Variants in NEGR1 observed in about 807,000 individuals in gnomAD.
NEGR1 encodes neuronal growth regulator 1.
A neutral mutation model predicts 40.9 loss-of-function variants in NEGR1; 10 were observed. The observed-to-expected ratio is 0.24, with a 90% CI of 0.15 to 0.42. The LOEUF is 0.42. Ranked by LOEUF, NEGR1 falls within the 10% of genes least tolerant of loss-of-function variation. The probability of loss-of-function intolerance (pLI) is 1.00; values close to 1 mark genes in which losing one functional copy is unlikely to be tolerated. For missense variants in NEGR1, 352 were observed against 438.9 expected (o/e 0.80, Z 1.77); for synonymous variants, 185 against 166.8 (o/e 1.11, Z -0.84).
At chr1:71,869,912 CTCTGTCACCCAGGCTGGAGTGCAGTGGCA>C (rs1032165748) in intron 2 of NEGR1, among the ~76,000 whole-genome samples, 1 of 150,124 alleles carries the variant, frequency 6.7e-6, no homozygotes, top group African/African-American at 2.5e-5. Flanking sequence ...CAGAGTCTCC[CTCTGTCACCCAGGCTGGAGTGCAGTGGCA>C]TGACTTTGGC....
intron 4 of NEGR1, among the ~76,000 whole-genome samples, chr1:71,624,946 T>A (rs541249805): frequency 1.2e-4 from 19 of 152,092 alleles, no homozygotes; most frequent in African/African-American, 4.3e-4. Context: ...GTCTTTGTGT[T>A]GTTCAATGAT....
At chr1:72,127,223 G>C (rs1325437850) in intron 1 of NEGR1, among the ~76,000 whole-genome samples, 2 of 152,050 alleles carry the variant, frequency 1.3e-5, no homozygotes, top group Non-Finnish European at 2.9e-5. Context: ...CCGGTACTTT[G>C]GGAGGCCGAG....
At chr1:71,469,431 T>C (rs1646768089) in intron 6 of NEGR1, among the ~76,000 whole-genome samples, 1 of 152,104 alleles carries the variant, frequency 6.6e-6, no homozygotes, top group Non-Finnish European at 1.5e-5. Flanking sequence ...ACTTTACTTC[T>C]GGTCATTTTT....
intron 1 of NEGR1, among the ~76,000 whole-genome samples, chr1:72,072,184 T>A (rs776360390): frequency 6.6e-6 from 1 of 152,140 alleles, no homozygotes; most frequent in Non-Finnish European, 1.5e-5. Flanking sequence ...ATTTATTATA[T>A]CTTTTGTAAT....
At chr1:72,257,217 G>T (rs1655300777) in intron 1 of NEGR1, among the ~76,000 whole-genome samples, 1 of 150,256 alleles carries the variant, frequency 6.7e-6, no homozygotes, top group South Asian at 2.1e-4. Context: ...AGCTACTTGG[G>T]AGGCTGAGGC....
chr1:71,675,809 T>TGTTTTTTG (rs61110297), intron 4 of NEGR1, among the ~76,000 whole-genome samples: 9 of 150,454 alleles, frequency 6.0e-5, no homozygotes, highest in Non-Finnish European at 1.2e-4. Context: ...TTTTGTTTTT[T>TGTTTTTTG]TTTTCCTTAA....
chr1:72,252,372 A>G (rs888208662), intron 1 of NEGR1, among the ~76,000 whole-genome samples: 1 of 152,144 alleles, frequency 6.6e-6, no homozygotes, highest in African/African-American at 2.4e-5. Flanking sequence ...AGGTTTGTCT[A>G]GGGAAGTCAG....
At chr1:72,205,293 C>T (rs1653352190) in intron 1 of NEGR1, among the ~76,000 whole-genome samples, 1 of 151,758 alleles carries the variant, frequency 6.6e-6, no homozygotes, top group African/African-American at 2.4e-5. Flanking sequence ...ACTCTATGGC[C>T]ACTACTTGAA....
chr1:71,544,013 A>G (rs1049132335), intron 6 of NEGR1, among the ~76,000 whole-genome samples: 3 of 151,530 alleles, frequency 2.0e-5, no homozygotes, highest in African/African-American at 7.3e-5. Flanking sequence ...GCAGCTGTTT[A>G]TGAGGAAGAT....
intron 1 of NEGR1, among the ~76,000 whole-genome samples, chr1:72,236,757 G>A (rs1318173316): frequency 6.6e-6 from 1 of 151,900 alleles, no homozygotes; most frequent in Non-Finnish European, 1.5e-5. Flanking sequence ...TGTCTTGGCT[G>A]TTTTTGATGA....
At chr1:71,580,292 C>T (rs578078914) in intron 6 of NEGR1, among the ~76,000 whole-genome samples, 20 of 142,826 alleles carry the variant, frequency 1.4e-4, no homozygotes, top group African/African-American at 5.2e-4. Flanking sequence ...GAACATCACA[C>T]TCTGGAGACT....
intron 4 of NEGR1, among the ~76,000 whole-genome samples, chr1:71,646,368 A>C (rs1051997330): frequency 3.3e-5 from 5 of 151,828 alleles, no homozygotes; most frequent in African/African-American, 9.7e-5. Flanking sequence ...CTGGAAAAAG[A>C]AGCATAGTCT....
chr1:72,272,618 G>A (rs1655881720), intron 1 of NEGR1, among the ~76,000 whole-genome samples: 1 of 151,852 alleles, frequency 6.6e-6, no homozygotes, highest in Non-Finnish European at 1.5e-5. Flanking sequence ...TGAAAAGAAA[G>A]GGGTTTCTGA....
chr1:71,827,581 G>A (rs1430743062), intron 2 of NEGR1, among the ~76,000 whole-genome samples: 3 of 151,822 alleles, frequency 2.0e-5, no homozygotes, highest in Non-Finnish European at 2.9e-5. Flanking sequence ...AGTGTCTCAT[G>A]TTTTTTATTA....
At chr1:72,202,534 C>T (rs1653252405) in intron 1 of NEGR1, among the ~76,000 whole-genome samples, 1 of 151,970 alleles carries the variant, frequency 6.6e-6, no homozygotes, top group South Asian at 2.1e-4. Context: ...TCACTGAACA[C>T]AAGTGATAAA....
chr1:72,116,731 AT>A (rs1475878303), intron 1 of NEGR1, among the ~76,000 whole-genome samples: 1 of 151,736 alleles, frequency 6.6e-6, no homozygotes, highest in African/African-American at 2.4e-5. Flanking sequence ...AATAAGTAGC[AT>A]TTAACACTTA....
chr1:71,541,876 G>A (rs79348004), intron 6 of NEGR1, among the ~76,000 whole-genome samples: 2,865 of 151,864 alleles, frequency 0.019, 82 homozygotes, highest in South Asian at 0.06. Context: ...AGAGCTGTTC[G>A]ATCATTGCCA....
intron 6 of NEGR1, among the ~76,000 whole-genome samples, chr1:71,555,500 T>G (rs944936072): frequency 1.5e-4 from 23 of 151,628 alleles, no homozygotes; most frequent in African/African-American, 5.6e-4. Context: ...AAAGATGGCA[T>G]GCATGTGTCC....
intron 2 of NEGR1, among the ~76,000 whole-genome samples, chr1:71,922,707 A>G (rs1031344591): frequency 2.6e-5 from 4 of 152,314 alleles, no homozygotes; most frequent in East Asian, 3.9e-4. Context: ...CACTATTAGC[A>G]CTTTGGAAAA....
Sources: allele counts gnomAD v4.1 joint callset (sites outside exome capture counted in the v4.1 genomes callset), GRCh38; gene constraint gnomAD v4.1.1; transcripts MANE v1.5; gene names NCBI Gene and HGNC (gene_info 2026-07-23, HGNC 2026-07-21).